AP3B2: variants seen among roughly 807,000 people sequenced by gnomAD.
The protein encoded by AP3B2 is adaptor related protein complex 3 subunit beta 2.
AP3B2 carries 50 observed loss-of-function variants against 126.9 expected under a neutral mutation model. That is an observed-to-expected ratio of 0.39 (90% confidence interval 0.31 to 0.50). The LOEUF (loss-of-function observed/expected upper bound fraction) is 0.50. Among genes scored for constraint, AP3B2 ranks in the 20% least tolerant of loss-of-function variants. The pLI is 0.79. For synonymous variants in AP3B2, 541 were observed against 565.0 expected, an observed-to-expected ratio of 0.96 and a Z score of 0.60; for missense variants, 1,177 against 1,426.4, an observed-to-expected ratio of 0.83 and a Z score of 2.82.
intron 14 of AP3B2, among the ~76,000 whole-genome samples, chr15:82,672,941 C>T (rs1883666573): frequency 1.3e-5 from 2 of 152,158 alleles, no homozygotes; most frequent in Admixed American, 1.3e-4. Context: ...AATCCTACAA[C>T]TGCAAGGAAG....
At chr15:82,695,438 G>T (rs899954111) in intron 1 of AP3B2, among the ~76,000 whole-genome samples, 1 of 152,112 alleles carries the variant, frequency 6.6e-6, no homozygotes, top group African/African-American at 2.4e-5. Flanking sequence ...GACCTCTGGG[G>T]AATGGGGAGT....
At chr15:82,709,381 C>A (rs1019582751) in intron 1 of AP3B2, among the ~76,000 whole-genome samples, 6 of 151,956 alleles carry the variant, frequency 3.9e-5, no homozygotes, top group Admixed American at 2.0e-4. Flanking sequence ...TATCTGCCCC[C>A]CTCCGCGTCC....
At chr15:82,700,776 C>T (rs1018367032) in intron 1 of AP3B2, among the ~76,000 whole-genome samples, 5 of 152,132 alleles carry the variant, frequency 3.3e-5, no homozygotes, top group Non-Finnish European at 5.9e-5. Flanking sequence ...TATGGCTTCA[C>T]CACCTGGTTC....
rs915642829 is a variant in AP3B2 at position 82,659,461 on chromosome 15, G to A, written c.*99C>T. Reference sequence around the variant, plus strand: ...CACCCTGAATGCTATCTGGCATGAGGAGGATGATGAGAGAGAGAGAGAAAG... The same window carrying A: ...CACCCTGAATGCTATCTGGCATGAGAAGGATGATGAGAGAGAGAGAGAAAG... On this transcript the variant is annotated 3_prime_UTR_variant, in exon 27 of 27. Coordinates refer to ENST00000535359, the MANE Select transcript of AP3B2 (RefSeq NM_001278512.2). The A allele has an allele frequency of 6.7e-7, 1 of 1,487,626 alleles. No individual in the cohort carries two copies. The highest frequency in any genetic ancestry group is 9.2e-7 in the Non-Finnish European group (1 of 1,089,766). The allele number at this position is 1,487,626 out of a possible 1,614,324, so 92.2% of individuals were successfully genotyped here.
At position 82,680,862 on chromosome 15, in the gene AP3B2, G is replaced by T; in HGVS notation, c.746C>A (p.Thr249Lys). 6.2e-7 allele frequency: 1 copy of T among 1,613,828 alleles called. No individual in the cohort carries two copies. The highest frequency in any genetic ancestry group is 8.5e-7 in the Non-Finnish European group (1 of 1,179,804). ...GTTCTGGGTGGGGCTCAGGAACTGC[G>T]TGCGGGCGTAGCGGGTGAGCATGCT... Reference protein sequence around the residue: ...IISMLTRYARTQFLSPTQNES... With the variant: ...IISMLTRYARKQFLSPTQNES... Residue 249 changes from threonine to lysine, a missense_variant, in exon 7 of 27, where the codon ACG becomes AAG. Thr to Lys is a moderately conservative substitution (Grantham distance 78, BLOSUM62 -1). Coordinates refer to ENST00000535359, the MANE Select transcript of AP3B2 (RefSeq NM_001278512.2). This position sits in a 1 kb window ranked among gnomAD's most constrained non-coding sequence, Gnocchi z 6.1.
At chr15:82,707,239 G>A (rs948939809) in intron 1 of AP3B2, among the ~76,000 whole-genome samples, 24 of 152,256 alleles carry the variant, frequency 1.6e-4, no homozygotes, top group Admixed American at 1.2e-3. Flanking sequence ...CGGACTAATG[G>A]TCTTTTAAAA....
chr15:82,694,367 T>C (rs553478645), intron 1 of AP3B2, among the ~76,000 whole-genome samples: 1 of 150,968 alleles, frequency 6.6e-6, no homozygotes, highest in African/African-American at 2.4e-5. Context: ...AAGGCAACTA[T>C]ACTAGCTTCC....
At chr15:82,676,759 G>T in intron 13 of AP3B2, 122 bp from the exon 14 acceptor site, 1 of 976,986 alleles carries the variant, frequency 1.0e-6, no homozygotes, top group Non-Finnish European at 1.5e-6. Context: ...GGGTTCTCTG[G>T]AAATGGGAGT....
At chr15:82,685,261 T>G (rs900543959) in intron 4 of AP3B2, 16 of 152,332 alleles carry the variant, frequency 1.1e-4, no homozygotes, top group African/African-American at 3.6e-4. Flanking sequence ...GAGCACATAC[T>G]GTTGGAAAAA....
At chr15:82,673,054 A>T (rs1297104605) in intron 14 of AP3B2, among the ~76,000 whole-genome samples, 8 of 152,222 alleles carry the variant, frequency 5.3e-5, no homozygotes. Context: ...CTTGCATAAG[A>T]TCCAACTAAG....
intron 4 of AP3B2, among the ~76,000 whole-genome samples, chr15:82,682,252 C>T (rs1317424944): frequency 1.3e-5 from 2 of 151,854 alleles, no homozygotes; most frequent in Non-Finnish European, 2.9e-5. Flanking sequence ...TAGGTTTCGC[C>T]GTGTTGGCCA....
intron 1 of AP3B2, among the ~76,000 whole-genome samples, chr15:82,704,798 G>C (rs147543966): frequency 6.6e-6 from 1 of 152,214 alleles, no homozygotes. Context: ...TACAGTGGAG[G>C]GTAAGTCCGT....
chr15:82,692,118 G>A, intron 1 of AP3B2: 2 of 1,493,230 alleles, frequency 1.3e-6, no homozygotes, highest in Non-Finnish European at 1.9e-6. Flanking sequence ...GACTTCGTAA[G>A]TCCTGGAGAA....
Position 82,664,869 on chromosome 15 carries a change from C to A in AP3B2, c.2103G>T (p.Glu701Asp), listed in dbSNP as rs777880981. 3 of 1,602,982 alleles carry A rather than the reference C, an allele frequency of 1.9e-6. No individual in the cohort carries two copies. In the South Asian group the frequency reaches 3.4e-5, roughly 18 times the overall value. ...CGGACTCCGTGGGGCCTGACTCCCC[C>A]TCAGAGTCCGAGTAGAAGGGTTTTT... is the stretch of plus-strand genomic sequence containing the variant. Reference protein sequence around the residue: ...EKEKPFYSDSEGESGPTESAD... With the variant: ...EKEKPFYSDSDGESGPTESAD... Residue 701 changes from glutamate (E) to aspartate (D), a missense_variant, in exon 18 of 27, where the codon GAG becomes GAT. Around this residue, in one of 5 missense-constraint regions of AP3B2, gnomAD observed 587 missense variants for 571.3 expected, o/e 1.03. Transcript: ENST00000535359. The surrounding 1 kb of genome is among the most constrained non-coding windows in gnomAD (Gnocchi z 4.5).
At chr15:82,690,266 A>G (rs1481436768) in intron 1 of AP3B2, among the ~76,000 whole-genome samples, 1 of 150,628 alleles carries the variant, frequency 6.6e-6, no homozygotes, top group African/African-American at 2.4e-5. Flanking sequence ...TTTTTTTTTA[A>G]TTATACTTTT....
At position 82,681,255 on chromosome 15, in the gene AP3B2, C is replaced by T; in HGVS notation, c.522-77G>A. On this transcript the variant is annotated intron_variant, in intron 5 of 26. Coordinates refer to ENST00000535359, the MANE Select transcript of AP3B2 (RefSeq NM_001278512.2). This position sits in a 1 kb window ranked among gnomAD's most constrained non-coding sequence, Gnocchi z 4.0. ...CAATATCTGTCCAAGCCATGCTCAC[C>T]TCCTGCACCCCAGCCTTATTGTTCT... 1.9e-6 allele frequency: 3 copies of T among 1,539,076 alleles called. No homozygotes were observed. The highest frequency in any genetic ancestry group is 2.7e-6 in the Non-Finnish European group (3 of 1,131,576).
At chr15:82,693,313 C>T (rs1348769242) in intron 1 of AP3B2, among the ~76,000 whole-genome samples, 1 of 151,438 alleles carries the variant, frequency 6.6e-6, no homozygotes, top group African/African-American at 2.4e-5. Context: ...ATGGCACGAT[C>T]TCGGGTCACT....
intron 14 of AP3B2, among the ~76,000 whole-genome samples, chr15:82,671,115 T>C (rs2048150071): frequency 1.3e-5 from 2 of 151,988 alleles, no homozygotes. Flanking sequence ...AAACCCCATC[T>C]TTACTAAAAG....
chr15:82,668,949 G>C (rs565613857), intron 14 of AP3B2, among the ~76,000 whole-genome samples: 37 of 152,318 alleles, frequency 2.4e-4, no homozygotes, highest in African/African-American at 8.2e-4. Context: ...ATCATGCTTA[G>C]AAAACTGGCT....
Sources: allele counts gnomAD v4.1 joint callset (sites outside exome capture counted in the v4.1 genomes callset), GRCh38; gene constraint gnomAD v4.1.1; regional missense constraint gnomAD v4.1.1; non-coding constraint Gnocchi (gnomAD v3.1); transcripts MANE v1.5; gene names NCBI Gene and HGNC (gene_info 2026-07-23, HGNC 2026-07-21).